The following ZNF536 variants were observed in gnomAD, a reference collection of about 807,000 sequenced individuals.
ZNF536 encodes zinc finger protein 536.
ZNF536 carries 13 observed loss-of-function variants against 84.5 expected under a neutral mutation model. That is an observed-to-expected ratio of 0.15 (90% CI 0.10 to 0.24). The LOEUF (loss-of-function observed/expected upper bound fraction) is 0.24, where lower values mean the gene tolerates loss of function less well. ZNF536 is among the 10% of genes least tolerant of loss of function. The pLI is 1.00. For synonymous variants in ZNF536, 811 were observed against 742.5 expected (o/e 1.09, Z -1.50); for missense variants, 1,536 against 1,747.5 (o/e 0.88, Z 2.16).
At chr19:30,343,334 C>A (rs1331752089) in intron 2 of ZNF536, among the ~76,000 whole-genome samples, 1 of 152,192 alleles carries the variant, frequency 6.6e-6, no homozygotes, top group Non-Finnish European at 1.5e-5. Flanking sequence ...CAAACCTCTG[C>A]ATGTGTGTAT....
intron 1 of ZNF536, among the ~76,000 whole-genome samples, chr19:30,684,254 C>T (rs1196224374): frequency 6.6e-6 from 1 of 152,156 alleles, no homozygotes; most frequent in Non-Finnish European, 1.5e-5. Flanking sequence ...CCCACCTCAG[C>T]CTCCTGAGTA....
At chr19:30,466,584 A>G (rs200933748) in intron 2 of ZNF536, among the ~76,000 whole-genome samples, 91 of 144,448 alleles carry the variant, frequency 6.3e-4, no homozygotes, top group East Asian at 3.0e-3. Context: ...GAAAGAAAGA[A>G]AGAGAGAGAG....
intron 1 of ZNF536, among the ~76,000 whole-genome samples, chr19:30,636,797 T>C (rs1487446638): frequency 6.6e-6 from 1 of 152,202 alleles, no homozygotes; most frequent in Non-Finnish European, 1.5e-5. Context: ...GGCTGCAGCC[T>C]GTTGCGGGCC....
At chr19:30,635,065 T>TGG (rs55756033) in intron 1 of ZNF536, among the ~76,000 whole-genome samples, 58,379 of 113,150 alleles carry the variant, frequency 0.52, 11,451 homozygotes, top group East Asian at 0.62. Context: ...AGAAGAAAGC[T>TGG]GGGTGTGTGT....
intron 4 of ZNF536, among the ~76,000 whole-genome samples, chr19:30,551,033 T>A (rs1447227757): frequency 1.3e-5 from 2 of 151,782 alleles, no homozygotes; most frequent in Non-Finnish European, 2.9e-5. Flanking sequence ...CTTTTTTTTT[T>A]AAACTGGGGG....
chr19:30,388,079 T>A (rs1295378784), intron 1 of ZNF536, among the ~76,000 whole-genome samples: 1 of 152,014 alleles, frequency 6.6e-6, no homozygotes, highest in Non-Finnish European at 1.5e-5. Context: ...CTGTAAGAGG[T>A]GCTGATTTGG....
intron 1 of ZNF536, among the ~76,000 whole-genome samples, chr19:30,612,417 C>T (rs528463610): frequency 6.6e-6 from 1 of 152,290 alleles, no homozygotes; most frequent in South Asian, 2.1e-4. Context: ...ACCTCTTTAC[C>T]AACCAGAGGA....
At chr19:30,371,809 TATATATATGC>T (rs2048621196), upstream of ZNF536, among the ~76,000 whole-genome samples, 1 of 151,444 alleles carries the variant, frequency 6.6e-6, no homozygotes, top group South Asian at 2.1e-4. Context: ...AGAATATATA[TATATATATGC>T]ATATATATGT....
At chr19:30,602,437 C>G (rs1306530820) in intron 1 of ZNF536, among the ~76,000 whole-genome samples, 4 of 152,190 alleles carry the variant, frequency 2.6e-5, no homozygotes, top group Admixed American at 2.6e-4. Flanking sequence ...AACCCCAATA[C>G]ATTTATTTTT....
At chr19:30,663,437 TAA>T (rs142322567) in intron 1 of ZNF536, among the ~76,000 whole-genome samples, 3,039 of 152,316 alleles carry the variant, frequency 0.02, 102 homozygotes, top group African/African-American at 0.069. Flanking sequence ...TTGCATTTTA[TAA>T]GTTTCCCCAA....
At chr19:30,651,438 G>C (rs1198232119) in intron 1 of ZNF536, among the ~76,000 whole-genome samples, 1 of 152,180 alleles carries the variant, frequency 6.6e-6, no homozygotes, top group African/African-American at 2.4e-5. Flanking sequence ...GGGGAGGGAG[G>C]AAGGGAAGCT....
intron 2 of ZNF536, among the ~76,000 whole-genome samples, chr19:30,297,914 T>C (rs868821274): frequency 0.013 from 1,223 of 97,056 alleles, 54 homozygotes; most frequent in African/African-American, 0.049. Context: ...CCCCCCCCCC[T>C]CTGTCGCCCA....
At chr19:30,575,657 G>A (rs1170348985) in intron 1 of ZNF536, among the ~76,000 whole-genome samples, 4 of 152,206 alleles carry the variant, frequency 2.6e-5, no homozygotes, top group East Asian at 1.9e-4. Flanking sequence ...ATGGAATAAC[G>A]GGTAGGTTAG....
At chr19:30,317,810 A>C (rs1007642721) in intron 2 of ZNF536, among the ~76,000 whole-genome samples, 5 of 152,224 alleles carry the variant, frequency 3.3e-5, no homozygotes, top group African/African-American at 1.2e-4. Context: ...AGACGCCCAC[A>C]CATCTTGTTT....
chr19:30,365,128 C>T (rs561675122), intron 3 of ZNF536, among the ~76,000 whole-genome samples: 13 of 152,316 alleles, frequency 8.5e-5, no homozygotes, highest in Admixed American at 2.0e-4. Flanking sequence ...GAAATGAACA[C>T]GTAATTATCT....
chr19:30,569,556 G>GTCC (rs1568563601), intron 1 of ZNF536, among the ~76,000 whole-genome samples: 1 of 80,440 alleles, frequency 1.2e-5, no homozygotes, highest in African/African-American at 4.9e-5. Flanking sequence ...CCAGATAAAC[G>GTCC]TTCTTTTTTT....
rs183147932 is a variant in ZNF536 at position 30,398,172 on chromosome 19, C to T, written c.-3+25616C>T. Among the ~76,000 whole-genome samples, 141 of 152,252 alleles carry T rather than the reference C, an allele frequency of 9.3e-4. 1 individual carries two copies. Among genetic ancestry groups the T allele is most frequent in the Middle Eastern group, 3.4e-3 (1 of 294 alleles). On this transcript the variant is annotated intron_variant, in intron 1 of 4. Transcript: ENST00000355537. The stretch of plus-strand genomic sequence containing the variant: ...TGGCCACTTCTGTGTCATTTGATCA[C>T]GTCTGTAGATTCCGTAACCACTGCC...
At chr19:30,432,542 A>T (rs2051521715) in intron 1 of ZNF536, among the ~76,000 whole-genome samples, 1 of 152,028 alleles carries the variant, frequency 6.6e-6, no homozygotes. Flanking sequence ...GATGTGGGGA[A>T]AGTTTCTGCT....
At chr19:30,591,656 T>G (rs2047283566) in intron 1 of ZNF536, among the ~76,000 whole-genome samples, 1 of 152,202 alleles carries the variant, frequency 6.6e-6, no homozygotes. Context: ...GGCCACCCCA[T>G]TCCACTGTTT....
Sources: gnomAD v4.1 joint callset for allele counts (sites outside exome capture counted in the v4.1 genomes callset) on GRCh38, gnomAD v4.1.1 for gene constraint, MANE v1.5 for transcripts, NCBI Gene and HGNC (gene_info 2026-07-23, HGNC 2026-07-21) for gene names.